EYS: variants seen among roughly 807,000 people sequenced by gnomAD.
The protein encoded by EYS is EGF-like photoreceptor maintenance factor, also known as protein eyes shut homolog.
Under a neutral mutation model 282.1 loss-of-function variants are expected in EYS, and 250 were observed. That is an observed-to-expected ratio of 0.89 (90% CI 0.80 to 0.98). The LOEUF (loss-of-function observed/expected upper bound fraction) is 0.98, where lower values mean the gene tolerates loss of function less well. Ranked by LOEUF, EYS falls within the 50% of genes least tolerant of loss-of-function variation. The pLI, the probability that EYS is intolerant of heterozygous loss-of-function variation, is 0.00. For missense variants in EYS, 4,016 were observed against 3,709.0 expected (o/e 1.08, Z -2.15); for synonymous variants, 1,355 against 1,282.9 (o/e 1.06, Z -1.20).
intron 2 of EYS, among the ~76,000 whole-genome samples, chr6:65,576,866 T>C (rs2127357141): frequency 1.3e-5 from 2 of 151,606 alleles, no homozygotes; most frequent in East Asian, 3.9e-4. Flanking sequence ...AACAAAGAAA[T>C]GAAAGACTTT....
Position 64,144,806 on chromosome 6 carries a change from G to C in EYS, c.6425-62804C>G, listed in dbSNP as rs571036941. On this transcript the variant is annotated intron_variant, in intron 31 of 42. Transcript: ENST00000503581. ...TCCCATGATGTGAGTAGGTCGCGCA[G>C]AACAAGAGGGGCTAGCTGGCCACGT... Among the ~76,000 whole-genome samples, 14 of 152,228 alleles carry C rather than the reference G, an allele frequency of 9.2e-5. No homozygotes were observed. The South Asian group carries it at 2.9e-3, about 32-fold the overall frequency.
chr6:65,458,407 T>G (rs976815330), intron 5 of EYS, among the ~76,000 whole-genome samples: 18 of 152,086 alleles, frequency 1.2e-4, no homozygotes, highest in African/African-American at 4.3e-4. Flanking sequence ...CTCACCCATC[T>G]TATACTTGTT....
In EYS at chr6:64,533,318, T is replaced by C. The variant is rs545159990; in HGVS notation, c.5644+56905A>G. Among the ~76,000 whole-genome samples, 9 of 152,284 alleles carry C rather than the reference T, an allele frequency of 5.9e-5. No individual in the cohort carries two copies. In the South Asian group the frequency reaches 1.9e-3, roughly 32 times the overall value. On this transcript the variant is annotated intron_variant, in intron 26 of 42. Coordinates refer to ENST00000503581, the MANE Select transcript of EYS (RefSeq NM_001142800.2). ...GAAGAAGTATGTAGTAATCATTTTC[T>C]AAAATTGATGAAAAGCATAAATCTA...
intron 12 of EYS, among the ~76,000 whole-genome samples, chr6:65,116,683 T>C (rs17638691): frequency 0.04 from 6,124 of 151,874 alleles, 179 homozygotes; most frequent in South Asian, 0.066. Flanking sequence ...AAATAACAAT[T>C]CTATGAAAAC....
intron 26 of EYS, among the ~76,000 whole-genome samples, chr6:64,474,127 C>A (rs1345835394): frequency 6.6e-6 from 1 of 152,130 alleles, no homozygotes; most frequent in African/African-American, 2.4e-5. Context: ...CTAACTTTCT[C>A]CTCTGTGACA....
In EYS at chr6:64,549,733, CTTT is replaced by C. The variant is rs10534314; in HGVS notation, c.5644+40487_5644+40489del. ...TACGCCTTCCTACAGCACATGAAATCTTTTTTTTTTTTTTTTTTATACTTTAAG... is the reference window on the plus strand; with the variant it reads ...TACGCCTTCCTACAGCACATGAAATCTTTTTTTTTTTTTTTATACTTTAAG... On this transcript the variant is annotated intron_variant, in intron 26 of 42. Transcript: ENST00000503581. Among the ~76,000 whole-genome samples the C allele has an allele frequency of 1.8e-3, 251 of 140,690 alleles. 1 individual carries two copies. Among genetic ancestry groups the C allele is most frequent in the Middle Eastern group, 7.5e-3 (2 of 266 alleles). 92.3% of individuals were successfully genotyped at this position (140,690 alleles called of 152,430 possible).
Position 65,038,932 on chromosome 6 carries a change from G to T in EYS, c.2137+18682C>A, listed in dbSNP as rs376978983. Among the ~76,000 whole-genome samples the T allele has an allele frequency of 7.0e-4, 106 of 151,442 alleles. 4 individuals carry two copies. The South Asian group carries it at 0.021, about 29-fold the overall frequency. On this transcript the variant is annotated intron_variant, in intron 13 of 42. Transcript: ENST00000503581. The stretch of plus-strand genomic sequence containing the variant: ...TATAAGCGCTGTCTGGATATATTCT[G>T]CTTTATGTCCTGGGTATGTGTTTGT...
intron 2 of EYS, among the ~76,000 whole-genome samples, chr6:65,504,874 T>C (rs1766598733): frequency 6.6e-6 from 1 of 151,802 alleles, no homozygotes; most frequent in South Asian, 2.1e-4. Context: ...AGTTTTCCTT[T>C]ATTTTAATAC....
intron 5 of EYS, among the ~76,000 whole-genome samples, chr6:65,477,702 T>C (rs1023568880): frequency 1.3e-5 from 2 of 152,152 alleles, no homozygotes; most frequent in African/African-American, 4.8e-5. Context: ...AGTATAAAAA[T>C]TGAATACACT....
chr6:64,980,130 T>C (rs1770605028), intron 14 of EYS, among the ~76,000 whole-genome samples: 1 of 151,550 alleles, frequency 6.6e-6, no homozygotes, highest in South Asian at 2.1e-4. Context: ...AACTGGGCAA[T>C]AATAAAAAAT....
At chr6:64,717,044 A>G (rs1053992349) in intron 22 of EYS, among the ~76,000 whole-genome samples, 4 of 152,010 alleles carry the variant, frequency 2.6e-5, no homozygotes, top group Non-Finnish European at 5.9e-5. Context: ...AAAGTTTTCC[A>G]GTAATGTTTG....
intron 22 of EYS, among the ~76,000 whole-genome samples, chr6:64,665,866 A>G (rs903411853): frequency 2.0e-5 from 3 of 152,068 alleles, no homozygotes. Context: ...TTTCCTACCT[A>G]TTACCCAATT....
At chr6:64,653,940 A>T (rs746208358) in intron 22 of EYS, among the ~76,000 whole-genome samples, 11 of 152,176 alleles carry the variant, frequency 7.2e-5, no homozygotes, top group Non-Finnish European at 1.3e-4. Context: ...CAAAAAGTAG[A>T]CAACCCTCTT....
intron 13 of EYS, among the ~76,000 whole-genome samples, chr6:65,053,599 T>C (rs1266492362): frequency 6.6e-6 from 1 of 151,772 alleles, no homozygotes; most frequent in Non-Finnish European, 1.5e-5. Flanking sequence ...TTATAGGTTA[T>C]AGTTTGATCA....
chr6:63,982,679 A>C (rs1767153936), intron 35 of EYS, among the ~76,000 whole-genome samples: 1 of 151,758 alleles, frequency 6.6e-6, no homozygotes, highest in African/African-American at 2.4e-5. Context: ...TTTATCAGAT[A>C]GTCTGTTGGT....
At chr6:65,300,368 T>C (rs1464694369) in intron 11 of EYS, among the ~76,000 whole-genome samples, 1 of 152,234 alleles carries the variant, frequency 6.6e-6, no homozygotes, top group African/African-American at 2.4e-5. Flanking sequence ...ATATTATTTT[T>C]AGGTTAGACC....
chr6:65,513,365 G>A (rs1423941162), intron 2 of EYS, among the ~76,000 whole-genome samples: 2 of 152,046 alleles, frequency 1.3e-5, no homozygotes, highest in Non-Finnish European at 2.9e-5. Context: ...AGAGGTACAA[G>A]GAGGAACTGG....
chr6:65,137,736 C>T (rs1019302184), intron 12 of EYS, among the ~76,000 whole-genome samples: 12 of 151,574 alleles, frequency 7.9e-5, no homozygotes, highest in South Asian at 2.1e-4. Flanking sequence ...GAATGGGTGG[C>T]ATTTGTGTAT....
intron 35 of EYS, among the ~76,000 whole-genome samples, chr6:63,918,492 C>A (rs1299686173): frequency 6.6e-6 from 1 of 152,152 alleles, no homozygotes; most frequent in African/African-American, 2.4e-5. Flanking sequence ...GCAAAATGAG[C>A]AATATCCTGG....
Sources: gnomAD v4.1 joint callset for allele counts (sites outside exome capture counted in the v4.1 genomes callset) on GRCh38, gnomAD v4.1.1 for gene constraint, MANE v1.5 for transcripts, NCBI Gene and HGNC (gene_info 2026-07-23, HGNC 2026-07-21) for gene names.